CARD8: variants seen among roughly 807,000 people sequenced by gnomAD.
The protein encoded by CARD8 is caspase recruitment domain family member 8, also known as caspase recruitment domain-containing protein 8.
Under a neutral mutation model 53.2 loss-of-function variants are expected in CARD8, and 38 were observed. The observed-to-expected ratio is 0.71, with a 90% CI of 0.55 to 0.94. The LOEUF (loss-of-function observed/expected upper bound fraction) is 0.94. Ranked by LOEUF, CARD8 falls within the 40% of genes least tolerant of loss-of-function variation. CARD8 has a pLI of 0.00. For missense variants in CARD8, 561 were observed against 655.5 expected (o/e 0.86, Z 1.57); for synonymous variants, 245 against 244.9 (o/e 1.00, Z 0.00).
intron 3 of CARD8, among the ~76,000 whole-genome samples, chr19:48,243,314 A>C (rs1370663858): frequency 1.3e-5 from 2 of 152,214 alleles, no homozygotes; most frequent in African/African-American, 2.4e-5. Flanking sequence ...CCCCTGGCCC[A>C]GAGAAATAAT....
At chr19:48,241,586 G>A (rs2045108540) in intron 3 of CARD8, among the ~76,000 whole-genome samples, 2 of 152,082 alleles carry the variant, frequency 1.3e-5, no homozygotes, top group African/African-American at 4.8e-5. Context: ...TTTTGATGTG[G>A]CCCTGGGTCT....
chr19:48,253,236 T>A (rs1289926632), intron 1 of CARD8, among the ~76,000 whole-genome samples: 6 of 151,932 alleles, frequency 3.9e-5, no homozygotes, highest in Non-Finnish European at 7.4e-5. Context: ...CAGGTATGCA[T>A]CACCATGCCT....
rs768953046 is a variant in CARD8, at chr19:48,214,021, T to TA, written c.1348+1318dup. 3.9e-5 allele frequency among the ~76,000 whole-genome samples: 6 copies of TA among 152,214 alleles called. No individual in the cohort carries two copies. The South Asian group carries it at 6.2e-4, about 16-fold the overall frequency. ...ACAGCCATATCAAACTACTTTAACT[T>TA]AGAGTTCCCCAGACGCAAGATATTA... On this transcript the variant is annotated intron_variant, in intron 13 of 13. Transcript: ENST00000651546.
rs765700609 is a variant in CARD8 at position 48,221,823 on chromosome 19, A to G, written c.1068T>C (p.Gly356=). The G allele has an allele frequency of 3.7e-6, 6 of 1,607,582 alleles. No individual in the cohort carries two copies. Among genetic ancestry groups the G allele is most frequent in the East Asian group, 4.5e-5 (2 of 44,838 alleles). The part of the protein sequence containing the change: ...AIDDEEDRFH[G]VRLQTSPPME... Reference sequence around the variant, plus strand: ...TTGGGGGCGAAGTCTGCAGGCGCACACCATGGAAGCGATCTTCCTCATCAT... The same window carrying G: ...TTGGGGGCGAAGTCTGCAGGCGCACGCCATGGAAGCGATCTTCCTCATCAT... Residue 356 remains glycine (G), a synonymous_variant, in exon 11 of 14, where the codon GGT becomes GGC. Transcript: ENST00000651546.
At chr19:48,232,580 G>A in intron 6 of CARD8, 87 bp from the exon 7 acceptor site, 1 of 1,127,050 alleles carries the variant, frequency 8.9e-7, no homozygotes, top group Non-Finnish European at 1.3e-6. Context: ...TTGAAAACTA[G>A]AGCTGCACTG....
chr19:48,225,115 C>G (rs1022785479), intron 10 of CARD8, among the ~76,000 whole-genome samples: 1 of 138,866 alleles, frequency 7.2e-6, no homozygotes, highest in Non-Finnish European at 1.5e-5. Flanking sequence ...ATATAGAGTA[C>G]ACAATTTACA....
At chr19:48,227,117 T>G (rs1476778166) in intron 10 of CARD8, among the ~76,000 whole-genome samples, 3 of 144,098 alleles carry the variant, frequency 2.1e-5, no homozygotes, top group South Asian at 2.2e-4. Flanking sequence ...GAAAAGAAAA[T>G]AAGTGGAGGA....
At position 48,230,625 on chromosome 19, in the gene CARD8, C is replaced by G. The variant is rs578012741; in HGVS notation, c.848G>C (p.Arg283Pro). The change falls in exon 10 of 14, where the codon CGG becomes CCG. Residue 283 changes from arginine (R) to proline (P), a missense_variant. Transcript: ENST00000651546. ...NEGMVLEHPARVEPFYAVLES... is the reference protein window; with the variant it reads ...NEGMVLEHPAPVEPFYAVLES... ...CAGGACAGCATAGAAAGGCTCCACC[C>G]GGGCTGGATGCTCCAGGACCATCCC... 1 of 1,614,074 alleles carries G rather than the reference C, an allele frequency of 6.2e-7. No individual in the cohort carries two copies. The highest frequency in any genetic ancestry group is 2.2e-5 in the East Asian group (1 of 44,874).
intron 10 of CARD8, chr19:48,223,865 G>A (rs1189210575): frequency 2.2e-6 from 1 of 456,174 alleles, no homozygotes; most frequent in Non-Finnish European, 4.4e-6. Flanking sequence ...CTCTAAAATA[G>A]TGTCTGGAAT....
chr19:48,205,924 G>C (rs2037327713), downstream of CARD8, among the ~76,000 whole-genome samples: 1 of 152,208 alleles, frequency 6.6e-6, no homozygotes, highest in East Asian at 1.9e-4. Flanking sequence ...TTGAGACAGA[G>C]TCTCACTCTG....
intron 1 of CARD8, among the ~76,000 whole-genome samples, chr19:48,254,482 G>A (rs747695187): frequency 2.8e-4 from 42 of 152,208 alleles, no homozygotes; most frequent in Non-Finnish European, 4.7e-4. Context: ...GCCTGGTGCG[G>A]TGGCTCATCC....
intron 1 of CARD8, among the ~76,000 whole-genome samples, chr19:48,252,433 TAAATA>T (rs1315756208): frequency 6.6e-6 from 1 of 151,614 alleles, no homozygotes; most frequent in East Asian, 1.9e-4. Context: ...TATGCATATT[TAAATA>T]AAATACATAT....
intron 13 of CARD8, among the ~76,000 whole-genome samples, chr19:48,214,882 G>A (rs568255394): frequency 1.8e-4 from 24 of 136,746 alleles, no homozygotes; most frequent in African/African-American, 6.1e-4. Context: ...TCTGCCTCCC[G>A]GGTTCAAGCC....
intron 10 of CARD8, among the ~76,000 whole-genome samples, chr19:48,228,456 C>T (rs924461416): frequency 1.3e-5 from 2 of 151,268 alleles, no homozygotes; most frequent in South Asian, 2.1e-4. Flanking sequence ...CACTGAGACC[C>T]CAGGTAAGAA....
At chr19:48,204,487 A>G (rs1055860132), downstream of CARD8, among the ~76,000 whole-genome samples, 2 of 151,956 alleles carry the variant, frequency 1.3e-5, no homozygotes, top group African/African-American at 4.8e-5. Context: ...GCTCAAGGGG[A>G]AGTGGAAACG....
chr19:48,203,202 T>C (rs1284710655), downstream of CARD8: 2 of 152,196 alleles, frequency 1.3e-5, no homozygotes, highest in Non-Finnish European at 2.9e-5. Flanking sequence ...TTATCACAAG[T>C]CACATCAATC....
In CARD8 at chr19:48,242,052, G is replaced by C. The variant is rs12984929; in HGVS notation, c.-43-989C>G. ...CATCCACCTTCTGTCTCCATAGGTT[G>C]ACTCATTCTGGACATTTGATTTAAT... On this transcript the variant is annotated intron_variant, in intron 3 of 13. Coordinates refer to ENST00000651546, the MANE Select transcript of CARD8 (RefSeq NM_001184900.3). Among the ~76,000 whole-genome samples, 27 of 151,464 alleles carry C rather than the reference G, an allele frequency of 1.8e-4. 1 individual carries two copies. Among genetic ancestry groups the C allele is most frequent in the Middle Eastern group, 6.8e-3 (2 of 294 alleles).
chr19:48,212,993 A>C (rs536180906), intron 13 of CARD8: 21 of 152,342 alleles, frequency 1.4e-4, no homozygotes, highest in Non-Finnish European at 2.1e-4. Flanking sequence ...TGAGTTCGGA[A>C]ACTTACACTG....
chr19:48,241,227 CG>C (rs1436967717), intron 3 of CARD8, among the ~76,000 whole-genome samples, 164 bp from the exon 4 acceptor site: 1 of 151,934 alleles, frequency 6.6e-6, no homozygotes, highest in African/African-American at 2.4e-5. Context: ...GGACAGAGGC[CG>C]AAACAGGAGA....
Sources: gnomAD v4.1 joint callset for allele counts (sites outside exome capture counted in the v4.1 genomes callset) on GRCh38, gnomAD v4.1.1 for gene constraint, MANE v1.5 for transcripts, NCBI Gene and HGNC (gene_info 2026-07-23, HGNC 2026-07-21) for gene names.